METAP2: variants seen among roughly 807,000 people sequenced by gnomAD.
METAP2 encodes the protein methionyl aminopeptidase 2, also known as methionine aminopeptidase 2.
METAP2 carries 25 observed loss-of-function variants against 59.4 expected under a neutral mutation model. That is an observed-to-expected ratio of 0.42 (90% confidence interval 0.31 to 0.59). The LOEUF is 0.59. Among genes scored for constraint, METAP2 ranks in the 20% least tolerant of loss-of-function variants. METAP2 has a pLI of 0.16. For synonymous variants in METAP2, 214 were observed against 194.1 expected (o/e 1.10, Z -0.85); for missense variants, 366 against 581.2 (o/e 0.63, Z 3.81).
intron 4 of METAP2, among the ~76,000 whole-genome samples, chr12:95,493,748 A>G (rs192344778): frequency 6.6e-6 from 1 of 152,180 alleles, no homozygotes; most frequent in Non-Finnish European, 1.5e-5. Flanking sequence ...ACTTACTCTG[A>G]TTCTAGGACT....
intron 8 of METAP2, among the ~76,000 whole-genome samples, chr12:95,507,104 G>A (rs1594436618): frequency 6.6e-6 from 1 of 152,238 alleles, no homozygotes; most frequent in East Asian, 1.9e-4. Flanking sequence ...TTAGGTAGGA[G>A]GTGTGGGATA....
intron 7 of METAP2, among the ~76,000 whole-genome samples, chr12:95,496,467 A>C (rs962918141): frequency 6.6e-6 from 1 of 152,022 alleles, no homozygotes; most frequent in African/African-American, 2.4e-5. Flanking sequence ...CCCCTCCCCA[A>C]TTTCCTCCAT....
At chr12:95,496,378 T>C (rs2076275583) in intron 7 of METAP2, among the ~76,000 whole-genome samples, 1 of 152,180 alleles carries the variant, frequency 6.6e-6, no homozygotes. Flanking sequence ...GGCAGTGGTT[T>C]TTTTGTGGTT....
At chr12:95,502,914 C>A (rs2076327183) in intron 7 of METAP2, among the ~76,000 whole-genome samples, 1 of 146,154 alleles carries the variant, frequency 6.8e-6, no homozygotes, top group Non-Finnish European at 1.5e-5. Context: ...TTTAGGTTTT[C>A]TATTTCTTTT....
At position 95,474,228 on chromosome 12, in the gene METAP2, G is replaced by A; in HGVS notation, c.49G>A (p.Asp17Asn). Residue 17 changes from aspartate (D) to asparagine (N), a missense_variant, in exon 1 of 11, where the codon GAC (aspartate) becomes AAC (asparagine). By Grantham distance (23) the Asp-to-Asn change is conservative (BLOSUM62 1). Coordinates refer to ENST00000323666, the MANE Select transcript of METAP2 (RefSeq NM_006838.4). ...GGCCTCCGGGAGCCACCTGAATGGC[G>A]ACCTGGATCCAGACGACAGGGAAGA... is the stretch of plus-strand genomic sequence containing the variant. Reference protein sequence around the residue: ...VAASGSHLNGDLDPDDREEGA... With the variant: ...VAASGSHLNGNLDPDDREEGA... 1 of 1,614,220 alleles carries A rather than the reference G, an allele frequency of 6.2e-7. No homozygotes were observed. The highest frequency in any genetic ancestry group is 8.5e-7 in the Non-Finnish European group (1 of 1,180,040).
rs1234327935 is a variant in METAP2 at position 95,513,886 on chromosome 12, C to T, written c.1419C>T (p.Ser473=). Residue 473 remains serine, a synonymous_variant, in exon 11 of 11, where the codon AGC becomes AGT. Coordinates refer to ENST00000323666, the MANE Select transcript of METAP2 (RefSeq NM_006838.4). ...LLRPTCKEVV[S]RGDDY is the part of the protein sequence containing the mutation. ...GTCCAACATGTAAAGAAGTTGTCAG[C>T]AGAGGAGATGACTATTAAACTTAGT... 6.2e-7 allele frequency: 1 copy of T among 1,613,784 alleles called. No homozygotes were observed. Among genetic ancestry groups the T allele is most frequent in the Non-Finnish European group, 8.5e-7 (1 of 1,179,802 alleles).
At chr12:95,509,993 C>A (rs1473510038) in intron 8 of METAP2, among the ~76,000 whole-genome samples, 1 of 151,912 alleles carries the variant, frequency 6.6e-6, no homozygotes, top group Non-Finnish European at 1.5e-5. Flanking sequence ...TGTGTCACCA[C>A]GCCCAGCTAA....
At chr12:95,486,351 G>A (rs1343475564) in intron 4 of METAP2, among the ~76,000 whole-genome samples, 1 of 152,030 alleles carries the variant, frequency 6.6e-6, no homozygotes, top group Non-Finnish European at 1.5e-5. Context: ...TATAAGGGTT[G>A]ATGTCTACTA....
chr12:95,490,859 G>T (rs1487579135), intron 4 of METAP2, among the ~76,000 whole-genome samples: 1 of 152,054 alleles, frequency 6.6e-6, no homozygotes, highest in African/African-American at 2.4e-5. Flanking sequence ...TTGTTTCCTT[G>T]TTGGGGGTTA....
Position 95,476,122 on chromosome 12 carries a change from C to A in METAP2, c.203C>A (p.Ala68Glu), listed in dbSNP as rs2076116288. 6 of 1,611,960 alleles carry A rather than the reference C, an allele frequency of 3.7e-6. No individual in the cohort carries two copies. The highest frequency in any genetic ancestry group is 1.7e-5 in the Admixed American group (1 of 59,580). ...KESGASVDEV[A>E]RQLERSALED... The stretch of plus-strand genomic sequence containing the variant: ...TCAGGAGCCTCAGTGGATGAAGTAG[C>A]AAGACAGTTGGAAAGATCAGCATTG... The change falls in exon 2 of 11, where the codon GCA becomes GAA. Residue 68 changes from alanine (A) to glutamate (E), a missense_variant. This residue lies in a region of METAP2 where 177 missense variants were observed against 180.3 expected (regional missense o/e 0.98). Transcript: ENST00000323666.
At chr12:95,483,808 T>C (rs1283032776) in intron 3 of METAP2, among the ~76,000 whole-genome samples, 1 of 152,168 alleles carries the variant, frequency 6.6e-6, no homozygotes, top group East Asian at 1.9e-4. Flanking sequence ...ATGGTGGTGG[T>C]AGGGTAAGCG....
intron 8 of METAP2, among the ~76,000 whole-genome samples, chr12:95,508,469 T>C (rs1453941196): frequency 2.0e-5 from 3 of 152,200 alleles, no homozygotes; most frequent in Non-Finnish European, 2.9e-5. Context: ...CCTTCTGATT[T>C]CTAGGTTCAC....
chr12:95,510,269 G>A (rs763244847), intron 8 of METAP2, among the ~76,000 whole-genome samples: 2 of 152,122 alleles, frequency 1.3e-5, no homozygotes, highest in South Asian at 2.1e-4. Context: ...TCCAGAAGAC[G>A]CTCAGTCTCA....
Position 95,494,061 on chromosome 12 carries a change from C to T in METAP2, c.434C>T (p.Thr145Ile). ...ATTCTATGCCCACTCTAAAGGCGAA[C>T]AGCTGCTTGGAGAACTACAAGTGAA... ...CEYPPTQDGR[T>I]AAWRTTSEEK... Residue 145 changes from threonine to isoleucine, a missense_variant, in exon 5 of 11, where the codon ACA becomes ATA. Physicochemically the swap from Thr to Ile is moderately conservative, Grantham distance 89. This residue lies in a region of METAP2 where 177 missense variants were observed against 180.3 expected (regional missense o/e 0.98). Coordinates refer to ENST00000323666, the MANE Select transcript of METAP2 (RefSeq NM_006838.4). 1 of 1,613,644 alleles carries T rather than the reference C, an allele frequency of 6.2e-7. No individual in the cohort carries two copies. Among genetic ancestry groups the T allele is most frequent in the Non-Finnish European group, 8.5e-7 (1 of 1,179,768 alleles).
intron 2 of METAP2, among the ~76,000 whole-genome samples, chr12:95,479,851 C>G (rs550107856): frequency 1.3e-5 from 2 of 152,166 alleles, no homozygotes; most frequent in African/African-American, 4.8e-5. Flanking sequence ...TCAAGTGATC[C>G]GCCCGCCTCA....
intron 8 of METAP2, among the ~76,000 whole-genome samples, chr12:95,505,851 T>C (rs1305286314): frequency 6.6e-6 from 1 of 150,876 alleles, no homozygotes; most frequent in East Asian, 2.0e-4. Context: ...TCCCAAAACT[T>C]TGGGAGGCCA....
chr12:95,478,359 G>A (rs1339097638), intron 2 of METAP2, among the ~76,000 whole-genome samples: 1 of 152,192 alleles, frequency 6.6e-6, no homozygotes, highest in African/African-American at 2.4e-5. Context: ...GACCAGGTGT[G>A]TTAGCTCTCG....
intron 2 of METAP2, among the ~76,000 whole-genome samples, chr12:95,480,064 A>C (rs148077637): frequency 7.1e-4 from 108 of 152,324 alleles, no homozygotes; most frequent in African/African-American, 2.2e-3. Context: ...CTCTTGCACT[A>C]TACCTAACCC....
At chr12:95,479,081 C>CA (rs2076140880) in intron 2 of METAP2, among the ~76,000 whole-genome samples, 1 of 151,750 alleles carries the variant, frequency 6.6e-6, no homozygotes. Flanking sequence ...TGTCTCTTAA[C>CA]AAAAAAGGAA....
Sources: allele counts gnomAD v4.1 joint callset (sites outside exome capture counted in the v4.1 genomes callset), GRCh38; gene constraint gnomAD v4.1.1; regional missense constraint gnomAD v4.1.1; transcripts MANE v1.5; gene names NCBI Gene and HGNC (gene_info 2026-07-23, HGNC 2026-07-21).